CPVL: variants seen among roughly 807,000 people sequenced by gnomAD.
CPVL encodes the protein probable serine carboxypeptidase CPVL.
In CPVL, 51 loss-of-function variants were observed where a neutral mutation model predicts 63.7. The ratio of observed to expected loss-of-function variants is 0.80; its 90% CI spans 0.64 to 1.01. CPVL has a LOEUF of 1.01. CPVL is among the 50% of genes least tolerant of loss of function. The pLI, the probability that CPVL is intolerant of heterozygous loss-of-function variation, is 0.00. For missense variants in CPVL, 530 were observed against 573.1 expected (o/e 0.92, Z 0.77); for synonymous variants, 195 against 206.0 (o/e 0.95, Z 0.46).
chr7:29,046,578 C>T (rs1227286847), intron 11 of CPVL, among the ~76,000 whole-genome samples: 2 of 151,944 alleles, frequency 1.3e-5, no homozygotes, highest in Non-Finnish European at 2.9e-5. Flanking sequence ...CACACACACA[C>T]ACACACACAC....
At chr7:29,046,564 C>A (rs532818380) in intron 11 of CPVL, among the ~76,000 whole-genome samples, 2 of 72,194 alleles carry the variant, frequency 2.8e-5, no homozygotes, top group Admixed American at 1.3e-4. Context: ...CACGTGCGCG[C>A]GTGCACACAC....
chr7:29,153,941 T>G (rs950537815), intron 5 of CPVL, among the ~76,000 whole-genome samples: 1 of 152,138 alleles, frequency 6.6e-6, no homozygotes, highest in Non-Finnish European at 1.5e-5. Context: ...GTATATAATA[T>G]GTATAAAATA....
At chr7:29,184,972 C>T (rs1798532386) in intron 3 of CPVL, among the ~76,000 whole-genome samples, 1 of 152,178 alleles carries the variant, frequency 6.6e-6, no homozygotes, top group African/African-American at 2.4e-5. Flanking sequence ...GTTGCTGCCA[C>T]CATTGAGAGT....
chr7:29,064,037 T>C, intron 11 of CPVL, 24 bp downstream of exon 11: 1 of 1,550,442 alleles, frequency 6.4e-7, no homozygotes, highest in African/African-American at 1.4e-5. Context: ...GTTCCTAAAA[T>C]AGTAACTGAA....
chr7:29,095,550 T>C (rs942449735), intron 4 of CPVL, among the ~76,000 whole-genome samples: 19 of 150,712 alleles, frequency 1.3e-4, no homozygotes, highest in African/African-American at 4.7e-4. Flanking sequence ...AGTCACAAAC[T>C]GGCTCACACT....
intron 7 of CPVL, among the ~76,000 whole-genome samples, chr7:29,072,882 T>C (rs1293914795): frequency 6.6e-6 from 1 of 152,172 alleles, no homozygotes; most frequent in East Asian, 1.9e-4. Context: ...AGGAAAATAA[T>C]ATTTATTGGC....
chr7:29,023,724 T>C (rs1269409827), intron 12 of CPVL, among the ~76,000 whole-genome samples: 2 of 152,204 alleles, frequency 1.3e-5, no homozygotes, highest in Non-Finnish European at 2.9e-5. Context: ...AACTCGAAGA[T>C]ACCACTGACA....
At chr7:29,047,964 A>T (rs1200917855) in intron 11 of CPVL, among the ~76,000 whole-genome samples, 1 of 152,198 alleles carries the variant, frequency 6.6e-6, no homozygotes, top group Non-Finnish European at 1.5e-5. Flanking sequence ...TGAAGGAAAG[A>T]TTCAGTCTTT....
chr7:29,072,454 C>G, intron 7 of CPVL, 31 bp from the exon 8 acceptor site: 14 of 1,606,184 alleles, frequency 8.7e-6, no homozygotes, highest in Non-Finnish European at 1.2e-5. Context: ...AATGGCCAAT[C>G]ACAAATGGAT....
At chr7:29,100,179 G>A (rs1786959239) in intron 3 of CPVL, among the ~76,000 whole-genome samples, 1 of 152,218 alleles carries the variant, frequency 6.6e-6, no homozygotes, top group Non-Finnish European at 1.5e-5. Flanking sequence ...CCCAGGGAGT[G>A]TGAGATGCTG....
chr7:29,146,818 C>T (rs73090825), upstream of CPVL: 23,974 of 1,550,414 alleles, frequency 0.015, 217 homozygotes, highest in Non-Finnish European at 0.018. Context: ...AAATTTCAAC[C>T]CTGTATTTTG....
intron 3 of CPVL, among the ~76,000 whole-genome samples, chr7:29,102,358 C>A (rs753184381): frequency 6.6e-6 from 1 of 151,942 alleles, no homozygotes; most frequent in African/African-American, 2.4e-5. Flanking sequence ...AGTAAACAAG[C>A]AACTAAATAA....
chr7:29,189,864 A>T (rs1451448318), intron 1 of CPVL, among the ~76,000 whole-genome samples: 2 of 152,194 alleles, frequency 1.3e-5, no homozygotes, highest in Non-Finnish European at 2.9e-5. Context: ...ACGATGCAGG[A>T]ATACCTGTGC....
At chr7:29,178,704 C>T (rs893239814) in intron 5 of CPVL, among the ~76,000 whole-genome samples, 3 of 152,122 alleles carry the variant, frequency 2.0e-5, no homozygotes, top group Non-Finnish European at 2.9e-5. Context: ...ATAGTAGGGG[C>T]TCAGTTATTG....
chr7:29,154,671 T>TA (rs555799459), intron 5 of CPVL, among the ~76,000 whole-genome samples: 351 of 152,034 alleles, frequency 2.3e-3, no homozygotes, highest in African/African-American at 8.1e-3. Flanking sequence ...TCATCTCTAC[T>TA]AAAAATAAAA....
chr7:29,000,233 G>T (rs997371406), intron 12 of CPVL, among the ~76,000 whole-genome samples: 1 of 152,120 alleles, frequency 6.6e-6, no homozygotes, highest in East Asian at 1.9e-4. Flanking sequence ...GCCAGTAAAG[G>T]TTTCCCAGTT....
intron 11 of CPVL, among the ~76,000 whole-genome samples, chr7:29,052,008 A>G (rs895189070): frequency 1.3e-5 from 2 of 151,744 alleles, no homozygotes; most frequent in Non-Finnish European, 2.9e-5. Flanking sequence ...ATTTGCAGTG[A>G]CCTGGATGAG....
intron 11 of CPVL, among the ~76,000 whole-genome samples, chr7:29,039,733 C>A (rs566904038): frequency 2.0e-5 from 3 of 151,914 alleles, no homozygotes; most frequent in Non-Finnish European, 2.9e-5. Flanking sequence ...GCTTACAGCT[C>A]TTACTTATTA....
At chr7:29,011,663 G>C (rs562787401) in intron 12 of CPVL, 1 of 152,086 alleles carries the variant, frequency 6.6e-6, no homozygotes, top group Non-Finnish European at 1.5e-5. Context: ...TCAAATCCTA[G>C]GCTTTGCTAG....
Sources: allele counts gnomAD v4.1 joint callset (sites outside exome capture counted in the v4.1 genomes callset), GRCh38; gene constraint gnomAD v4.1.1; transcripts MANE v1.5; gene names NCBI Gene and HGNC (gene_info 2026-07-23, HGNC 2026-07-21).